Variants in MAML2 observed in about 807,000 individuals in gnomAD.
MAML2 encodes mastermind like transcriptional coactivator 2.
In MAML2, 22 loss-of-function variants were observed where a neutral mutation model predicts 96.1. That is an observed-to-expected ratio of 0.23 (90% CI 0.16 to 0.33). The LOEUF (loss-of-function observed/expected upper bound fraction) is 0.33. Ranked by LOEUF, MAML2 falls within the 10% of genes least tolerant of loss-of-function variation. MAML2 has a pLI of 1.00. For synonymous variants in MAML2, 561 were observed against 521.3 expected, an observed-to-expected ratio of 1.08 and a Z score of -1.04; for missense variants, 1,367 against 1,392.4, an observed-to-expected ratio of 0.98 and a Z score of 0.29.
At chr11:96,149,105 A>G (rs1159059503) in intron 1 of MAML2, among the ~76,000 whole-genome samples, 1 of 152,108 alleles carries the variant, frequency 6.6e-6, no homozygotes, top group Non-Finnish European at 1.5e-5. Flanking sequence ...CCACGGTATC[A>G]CAGAAGCTCT....
intron 3 of MAML2, among the ~76,000 whole-genome samples, chr11:95,985,953 T>C (rs1381018443): frequency 6.6e-6 from 1 of 152,218 alleles, no homozygotes; most frequent in Non-Finnish European, 1.5e-5. Flanking sequence ...TTTTTCAAGA[T>C]GCTAATTTCT....
chr11:96,119,749 C>T (rs993758288), intron 1 of MAML2, among the ~76,000 whole-genome samples: 2 of 152,174 alleles, frequency 1.3e-5, no homozygotes, highest in Admixed American at 1.3e-4. Flanking sequence ...TCCTTCCCCA[C>T]ACACCCTCTT....
chr11:96,084,055 G>A (rs1189806439), intron 2 of MAML2, among the ~76,000 whole-genome samples: 1 of 152,142 alleles, frequency 6.6e-6, no homozygotes, highest in African/African-American at 2.4e-5. Flanking sequence ...TTGAAGACCT[G>A]GGGGTGAGAG....
chr11:96,170,957 C>A (rs764951929), intron 1 of MAML2, among the ~76,000 whole-genome samples: 1 of 151,982 alleles, frequency 6.6e-6, no homozygotes, highest in Non-Finnish European at 1.5e-5. Flanking sequence ...CTCAAATGAT[C>A]CGCCCGCCTC....
intron 2 of MAML2, among the ~76,000 whole-genome samples, chr11:96,070,159 G>A (rs566293896): frequency 6.6e-5 from 10 of 152,066 alleles, no homozygotes; most frequent in South Asian, 6.3e-4. Context: ...GCGTGGTGGC[G>A]GGCGCCTGTA....
chr11:96,094,278 G>A (rs1484481195), intron 1 of MAML2, among the ~76,000 whole-genome samples: 2 of 152,132 alleles, frequency 1.3e-5, no homozygotes, highest in Non-Finnish European at 2.9e-5. Context: ...AATTGCTTAG[G>A]CTCTGGAAGC....
In MAML2 at chr11:96,223,442, C is replaced by T. The variant is rs78979457; in HGVS notation, c.513+117941G>A. Among the ~76,000 whole-genome samples, 8 of 152,086 alleles carry T rather than the reference C, an allele frequency of 5.3e-5. No individual in the cohort carries two copies. In the East Asian group the frequency reaches 1.5e-3, roughly 29 times the overall value. On this transcript the variant is annotated intron_variant, in intron 1 of 4. Transcript: ENST00000524717. ...ATATTTTACTTAACCATTTGTTAGC[C>T]TATTTATAATGTTTAATATTTAGAC...
intron 2 of MAML2, among the ~76,000 whole-genome samples, chr11:96,086,726 A>C (rs1452078664): frequency 6.6e-6 from 1 of 152,220 alleles, no homozygotes; most frequent in African/African-American, 2.4e-5. Flanking sequence ...TATGTTTTTA[A>C]ACAAGTGAAT....
intron 1 of MAML2, among the ~76,000 whole-genome samples, chr11:96,326,215 T>C (rs1476763650): frequency 6.6e-6 from 1 of 151,458 alleles, no homozygotes; most frequent in African/African-American, 2.4e-5. Context: ...TATTCCATCA[T>C]CTTTTTCCTT....
At chr11:96,026,131 T>A (rs922338106) in intron 2 of MAML2, among the ~76,000 whole-genome samples, 1 of 152,204 alleles carries the variant, frequency 6.6e-6, no homozygotes. Flanking sequence ...AACAAGTAAT[T>A]AACTGTTTTT....
chr11:96,257,978 G>A (rs539456963), intron 1 of MAML2, among the ~76,000 whole-genome samples: 3 of 152,262 alleles, frequency 2.0e-5, no homozygotes, highest in African/African-American at 2.4e-5. Flanking sequence ...TTGCTTACTT[G>A]ATCCTAATTT....
chr11:96,055,529 A>G (rs1859052215), intron 2 of MAML2, among the ~76,000 whole-genome samples: 1 of 152,236 alleles, frequency 6.6e-6, no homozygotes. Context: ...TATACTTTGT[A>G]TGAAAAGATG....
intron 1 of MAML2, among the ~76,000 whole-genome samples, chr11:96,107,949 A>G (rs1175286222): frequency 6.6e-6 from 1 of 152,160 alleles, no homozygotes; most frequent in East Asian, 1.9e-4. Context: ...TATCCTTTAT[A>G]ATAAACTGGT....
At chr11:96,260,086 A>G (rs184500064) in intron 1 of MAML2, among the ~76,000 whole-genome samples, 189 of 152,120 alleles carry the variant, frequency 1.2e-3, no homozygotes, top group African/African-American at 4.5e-3. Flanking sequence ...CACCTGTGCC[A>G]CCTTCCTAAA....
intron 1 of MAML2, among the ~76,000 whole-genome samples, chr11:96,295,014 A>G (rs758123141): frequency 3.9e-5 from 6 of 152,246 alleles, no homozygotes; most frequent in Non-Finnish European, 5.9e-5. Context: ...TGACCACAGC[A>G]TCAACATAAA....
At chr11:96,305,623 A>C (rs1034097778) in intron 1 of MAML2, among the ~76,000 whole-genome samples, 6 of 152,262 alleles carry the variant, frequency 3.9e-5, no homozygotes, top group Admixed American at 1.3e-4. Flanking sequence ...AGAAAGTCTC[A>C]TCAATTCTCT....
intron 1 of MAML2, among the ~76,000 whole-genome samples, chr11:96,236,353 C>T (rs1862367047): frequency 6.6e-6 from 1 of 152,194 alleles, no homozygotes; most frequent in Admixed American, 6.5e-5. Flanking sequence ...AACAAAATCA[C>T]CTACGGAGCT....
At chr11:95,984,630 A>AG in intron 4 of MAML2, among the ~76,000 whole-genome samples, 1 of 152,294 alleles carries the variant, frequency 6.6e-6, no homozygotes, top group Non-Finnish European at 1.5e-5. Context: ...GTTGTATTTG[A>AG]GGGGGTTTAA....
At chr11:96,045,902 GTTT>G (rs60206394) in intron 2 of MAML2, among the ~76,000 whole-genome samples, 21 of 136,068 alleles carry the variant, frequency 1.5e-4, no homozygotes, top group African/African-American at 5.1e-4. Flanking sequence ...GCACACTTCT[GTTT>G]TTTTTTTTTT....
Sources: gnomAD v4.1 joint callset for allele counts (sites outside exome capture counted in the v4.1 genomes callset) on GRCh38, gnomAD v4.1.1 for gene constraint, MANE v1.5 for transcripts, NCBI Gene and HGNC (gene_info 2026-07-23, HGNC 2026-07-21) for gene names.